Variants in GMDS observed in about 807,000 individuals in gnomAD.
GMDS encodes the protein GDP-mannose 4,6 dehydratase.
Under a neutral mutation model 49.9 loss-of-function variants are expected in GMDS, and 20 were observed. That is an observed-to-expected ratio of 0.40 (90% CI 0.28 to 0.58). GMDS has a LOEUF of 0.58. GMDS is among the 20% of genes least tolerant of loss of function. GMDS has a pLI of 0.42. For synonymous variants in GMDS, 177 were observed against 178.6 expected, an observed-to-expected ratio of 0.99 and a Z score of 0.07; for missense variants, 362 against 481.4, an observed-to-expected ratio of 0.75 and a Z score of 2.32.
At chr6:1,873,105 T>C (rs527315783) in intron 7 of GMDS, among the ~76,000 whole-genome samples, 1 of 152,344 alleles carries the variant, frequency 6.6e-6, no homozygotes, top group South Asian at 2.1e-4. Context: ...ATTCGGCAAG[T>C]CGCCCAGTTC....
chr6:2,024,359 A>G (rs1362947481), intron 4 of GMDS, among the ~76,000 whole-genome samples: 1 of 152,178 alleles, frequency 6.6e-6, no homozygotes, highest in Non-Finnish European at 1.5e-5. Context: ...GGCAGAAATA[A>G]CAGTGAGTAA....
Position 1,681,378 on chromosome 6 carries a change from C to T in GMDS, c.987+45038G>A, listed in dbSNP as rs1024291349. 3.9e-5 allele frequency among the ~76,000 whole-genome samples: 6 copies of T among 152,312 alleles called. 1 individual carries two copies. In the South Asian group the frequency reaches 1.2e-3, roughly 32 times the overall value. On this transcript the variant is annotated intron_variant, in intron 9 of 10. Coordinates refer to ENST00000380815, the MANE Select transcript of GMDS (RefSeq NM_001500.4). Reference sequence around the variant, plus strand: ...GATATGTCACTGCATTTTCAATCTGCTGTGTTCTAGCATCTACAGTCCCAA... The same window carrying T: ...GATATGTCACTGCATTTTCAATCTGTTGTGTTCTAGCATCTACAGTCCCAA...
chr6:1,769,887 T>C (rs917640567), intron 7 of GMDS, among the ~76,000 whole-genome samples: 1 of 152,022 alleles, frequency 6.6e-6, no homozygotes, highest in Admixed American at 6.5e-5. Context: ...CCACCAGGCC[T>C]GGCTAATTTT....
At chr6:2,209,401 C>G (rs747182052) in intron 1 of GMDS, among the ~76,000 whole-genome samples, 1 of 152,242 alleles carries the variant, frequency 6.6e-6, no homozygotes, top group Non-Finnish European at 1.5e-5. Flanking sequence ...CCAGAACTGG[C>G]TGACTAGCTC....
chr6:1,867,237 A>G (rs1281832386), intron 7 of GMDS, among the ~76,000 whole-genome samples: 1 of 152,240 alleles, frequency 6.6e-6, no homozygotes, highest in Non-Finnish European at 1.5e-5. Flanking sequence ...CTTATATGAC[A>G]TGCTAATAGG....
intron 4 of GMDS, among the ~76,000 whole-genome samples, chr6:1,987,006 G>C (rs141663739): frequency 1.3e-5 from 2 of 152,154 alleles, no homozygotes; most frequent in East Asian, 3.9e-4. Flanking sequence ...CAGTAGTTGA[G>C]CCAGAAGAGG....
At chr6:1,643,964 A>C (rs1050670839) in intron 9 of GMDS, among the ~76,000 whole-genome samples, 3 of 152,094 alleles carry the variant, frequency 2.0e-5, no homozygotes, top group African/African-American at 7.2e-5. Flanking sequence ...CTGACTCCTC[A>C]GCTGACAAGG....
At position 1,742,491 on chromosome 6, in the gene GMDS, G is replaced by T; in HGVS notation, c.867C>A (p.Phe289Leu). 1 of 1,603,434 alleles carries T rather than the reference G, an allele frequency of 6.2e-7. No individual in the cohort carries two copies. The highest frequency in any genetic ancestry group is 8.5e-7 in the Non-Finnish European group (1 of 1,170,416). ...ACACAATGGTTTTTCCAATGTGCAA[G>T]AATGATTTCTCGACAAATTCCCGGA... Reference protein sequence around the residue: ...HSVREFVEKSFLHIGKTIVWE... With the variant: ...HSVREFVEKSLLHIGKTIVWE... The change falls in exon 8 of 11, where the codon TTC becomes TTA. Residue 289 changes from phenylalanine to leucine, a missense_variant. Phe to Leu is a conservative substitution (Grantham distance 22). Coordinates refer to ENST00000380815, the MANE Select transcript of GMDS (RefSeq NM_001500.4).
At chr6:2,181,885 C>T (rs1778555057) in intron 1 of GMDS, among the ~76,000 whole-genome samples, 1 of 152,194 alleles carries the variant, frequency 6.6e-6, no homozygotes, top group South Asian at 2.1e-4. Context: ...AACAGTCACA[C>T]ATCTCTCACT....
intron 6 of GMDS, among the ~76,000 whole-genome samples, chr6:1,953,096 A>G (rs1260184910): frequency 6.6e-6 from 1 of 152,220 alleles, no homozygotes; most frequent in East Asian, 1.9e-4. Flanking sequence ...GAAATCTTCA[A>G]CTGATCTCCT....
intron 7 of GMDS, among the ~76,000 whole-genome samples, chr6:1,924,758 C>T (rs538993232): frequency 1.6e-3 from 239 of 152,278 alleles, no homozygotes; most frequent in Non-Finnish European, 2.9e-3. Context: ...ATCCTGACTG[C>T]TGGACATTGG....
At chr6:1,821,376 G>A (rs966622088) in intron 7 of GMDS, among the ~76,000 whole-genome samples, 1 of 152,072 alleles carries the variant, frequency 6.6e-6, no homozygotes, top group South Asian at 2.1e-4. Flanking sequence ...CTGGTGGGTG[G>A]GGACGGGGGG....
intron 4 of GMDS, among the ~76,000 whole-genome samples, chr6:2,091,996 G>T (rs938358404): frequency 6.6e-6 from 1 of 152,132 alleles, no homozygotes; most frequent in Non-Finnish European, 1.5e-5. Flanking sequence ...TTTGGGCCAG[G>T]ACTCAGGGAA....
At chr6:1,739,441 C>T (rs1767171776) in intron 8 of GMDS, among the ~76,000 whole-genome samples, 1 of 152,244 alleles carries the variant, frequency 6.6e-6, no homozygotes, top group Admixed American at 6.5e-5. Context: ...CACATCCTGC[C>T]GTTCTTCTGC....
Position 2,188,894 on chromosome 6 carries a change from G to A in GMDS, c.102+56427C>T, listed in dbSNP as rs74686964. 7.8e-4 allele frequency among the ~76,000 whole-genome samples: 118 copies of A among 152,172 alleles called. 1 individual carries two copies. In the East Asian group the frequency reaches 0.021, roughly 27 times the overall value. On this transcript the variant is annotated intron_variant, in intron 1 of 10. Transcript: ENST00000380815. Reference sequence around the variant, plus strand: ...GTGGGCCCTGGAGAAAGATCAGCAGGGTAAGGTAAGAGAACACTCAACAGC... The same window carrying A: ...GTGGGCCCTGGAGAAAGATCAGCAGAGTAAGGTAAGAGAACACTCAACAGC...
At chr6:1,642,219 T>C (rs1457350201) in intron 9 of GMDS, among the ~76,000 whole-genome samples, 1 of 142,902 alleles carries the variant, frequency 7.0e-6, no homozygotes, top group Admixed American at 7.6e-5. Flanking sequence ...CAGGCTGGAG[T>C]GCAGTGGTGT....
At chr6:1,990,984 G>A (rs1294220488) in intron 4 of GMDS, among the ~76,000 whole-genome samples, 1 of 152,122 alleles carries the variant, frequency 6.6e-6, no homozygotes, top group Non-Finnish European at 1.5e-5. Flanking sequence ...TAAGGATGTT[G>A]TAATATTAGT....
At chr6:2,239,424 T>C (rs1295584606) in intron 1 of GMDS, among the ~76,000 whole-genome samples, 1 of 152,190 alleles carries the variant, frequency 6.6e-6, no homozygotes, top group Non-Finnish European at 1.5e-5. Flanking sequence ...TTCTCTATTG[T>C]ACACATAATA....
intron 9 of GMDS, among the ~76,000 whole-genome samples, chr6:1,684,871 C>T (rs1764918333): frequency 6.6e-6 from 1 of 152,138 alleles, no homozygotes; most frequent in South Asian, 2.1e-4. Context: ...AGTAAATATA[C>T]ACAGTAAATT....
Sources: allele counts gnomAD v4.1 joint callset (sites outside exome capture counted in the v4.1 genomes callset), GRCh38; gene constraint gnomAD v4.1.1; transcripts MANE v1.5; gene names NCBI Gene and HGNC (gene_info 2026-07-23, HGNC 2026-07-21).